NAV3: variants seen among roughly 807,000 people sequenced by gnomAD.
NAV3 encodes the protein pore membrane and/or filament interacting like protein 1.
In NAV3, 87 loss-of-function variants were observed where a neutral mutation model predicts 244.7. The ratio of observed to expected loss-of-function variants is 0.36; its 90% confidence interval spans 0.30 to 0.42. NAV3 has a LOEUF of 0.42. Ranked by LOEUF, NAV3 falls within the 20% of genes least tolerant of loss-of-function variation. The pLI is 1.00. For missense variants in NAV3, 2,663 were observed against 2,893.3 expected (o/e 0.92, Z 1.83); for synonymous variants, 1,126 against 1,042.2 (o/e 1.08, Z -1.55).
chr12:77,681,880 G>T (rs1279046334), intron 2 of NAV3, among the ~76,000 whole-genome samples: 1 of 152,014 alleles, frequency 6.6e-6, no homozygotes, highest in Non-Finnish European at 1.5e-5. Context: ...AGTAAAAATG[G>T]TATACATTTA....
At chr12:78,190,618 G>T (rs1958932773) in intron 34 of NAV3, among the ~76,000 whole-genome samples, 1 of 152,042 alleles carries the variant, frequency 6.6e-6, no homozygotes, top group African/African-American at 2.4e-5. Context: ...TAATAGATAA[G>T]TAGGAAATAA....
At chr12:78,200,612 T>G in intron 38 of NAV3, 21 bp downstream of exon 38, 1 of 1,316,016 alleles carries the variant, frequency 7.6e-7, no homozygotes, top group Non-Finnish European at 1.0e-6. Flanking sequence ...CAATTTTCAT[T>G]GCTATTTTTT....
intron 12 of NAV3, among the ~76,000 whole-genome samples, chr12:78,104,793 A>G (rs879724114): frequency 2.0e-5 from 3 of 152,126 alleles, no homozygotes; most frequent in Non-Finnish European, 4.4e-5. Context: ...CTAAATCTCT[A>G]TAGCATTTTT....
rs1043828429 is a variant in NAV3, at chr12:77,675,244, T to C, written c.72+102978T>C. Among the ~76,000 whole-genome samples the C allele has an allele frequency of 5.3e-5, 8 of 152,296 alleles. No homozygotes were observed. The South Asian group carries it at 1.7e-3, about 32-fold the overall frequency. ...CAGGTTTCAACCAGAAAAACAGAAC[T>C]GTTAGGAGATATATATTAAGAGATT... On this transcript the variant is annotated intron_variant, in intron 2 of 8. Transcript: ENST00000550042.
intron 23 of NAV3, among the ~76,000 whole-genome samples, chr12:78,162,189 A>G (rs927902335): frequency 1.2e-4 from 18 of 152,246 alleles, no homozygotes; most frequent in African/African-American, 4.3e-4. Context: ...CACTAAAGGC[A>G]TTTCTTCAGG....
chr12:77,869,843 G>A (rs1880667395), intron 1 of NAV3, among the ~76,000 whole-genome samples: 1 of 152,112 alleles, frequency 6.6e-6, no homozygotes, highest in South Asian at 2.1e-4. Context: ...ACCCACTAGT[G>A]TATTTCTAAT....
chr12:77,708,552 G>T (rs993136998), intron 2 of NAV3, among the ~76,000 whole-genome samples: 3 of 152,114 alleles, frequency 2.0e-5, no homozygotes, highest in African/African-American at 7.2e-5. Context: ...CTCTTTTTTG[G>T]TTCCATATGA....
Position 77,920,282 on chromosome 12 carries a change from G to A in NAV3, c.244-20037G>A, listed in dbSNP as rs369614997. On this transcript the variant is annotated intron_variant, in intron 1 of 39. Coordinates refer to ENST00000397909, the MANE Select transcript of NAV3 (RefSeq NM_001024383.2). ...GCTCTAAATCCCATAATTAATATTT[G>A]AATAAAGAATACCATGCTATATATT... 4.8e-4 allele frequency among the ~76,000 whole-genome samples: 73 copies of A among 151,960 alleles called. 1 individual carries two copies. The South Asian group carries it at 0.014, about 29-fold the overall frequency.
chr12:78,124,933 ATAATAT>A (rs1195571145), intron 16 of NAV3, among the ~76,000 whole-genome samples: 10 of 152,238 alleles, frequency 6.6e-5, no homozygotes, highest in Non-Finnish European at 1.3e-4. Context: ...GCTATAGTGT[ATAATAT>A]TAATATTAAT....
chr12:78,159,181 G>A, intron 22 of NAV3, 22 bp from the exon 23 acceptor site: 1 of 1,601,036 alleles, frequency 6.2e-7, no homozygotes, highest in South Asian at 1.1e-5. Flanking sequence ...TTTAAACTAT[G>A]TTTCTTCCAT....
chr12:78,091,946 T>TAA (rs1953966654), intron 12 of NAV3, among the ~76,000 whole-genome samples: 1 of 152,128 alleles, frequency 6.6e-6, no homozygotes, highest in Non-Finnish European at 1.5e-5. Flanking sequence ...CACTCTAAAT[T>TAA]AAAGAGTTGT....
rs2290103 is a variant in NAV3, at chr12:78,137,376, A to G, written c.4630+11A>G. On this transcript the variant is annotated intron_variant, in intron 19 of 39. Transcript: ENST00000397909. Reference sequence around the variant, plus strand: ...ACAGCATGGAAGAAGGTAAGCGTTGAGGGGGATTAAAGATGAAGTCACTTT... The same window carrying G: ...ACAGCATGGAAGAAGGTAAGCGTTGGGGGGGATTAAAGATGAAGTCACTTT... 418,817 of 1,598,008 alleles carry G rather than the reference A, an allele frequency of 0.26. 58,037 individuals carry two copies. The highest frequency in any genetic ancestry group is 0.47 in the Admixed American group (27,643 of 58,736).
At chr12:77,664,273 C>G (rs983078297) in intron 2 of NAV3, among the ~76,000 whole-genome samples, 1 of 152,112 alleles carries the variant, frequency 6.6e-6, no homozygotes, top group Non-Finnish European at 1.5e-5. Context: ...TGAAAATCTT[C>G]CTACTTATAT....
At chr12:77,640,474 T>C (rs191458641) in intron 2 of NAV3, among the ~76,000 whole-genome samples, 2 of 152,168 alleles carry the variant, frequency 1.3e-5, no homozygotes, top group Non-Finnish European at 2.9e-5. Flanking sequence ...TGTGTTCCTA[T>C]GTATTTGACA....
At chr12:77,586,615 CAACT>C (rs1358306583) in intron 2 of NAV3, among the ~76,000 whole-genome samples, 4 of 152,082 alleles carry the variant, frequency 2.6e-5, no homozygotes, top group Non-Finnish European at 5.9e-5. Context: ...AAATCTAGAG[CAACT>C]AACTATTGCA....
intron 1 of NAV3, among the ~76,000 whole-genome samples, chr12:77,933,000 A>G (rs766857760): frequency 6.6e-6 from 1 of 151,882 alleles, no homozygotes; most frequent in Non-Finnish European, 1.5e-5. Context: ...TCATCCTTTT[A>G]TGTGTCATTT....
At chr12:77,806,205 T>C (rs1200959993) in intron 2 of NAV3, among the ~76,000 whole-genome samples, 1 of 152,198 alleles carries the variant, frequency 6.6e-6, no homozygotes. Context: ...TGCCTTCTGC[T>C]AGCTTTTGAA....
chr12:77,845,436 CTTTA>C (rs1876457480), intron 1 of NAV3, among the ~76,000 whole-genome samples: 2 of 152,030 alleles, frequency 1.3e-5, no homozygotes, highest in African/African-American at 4.8e-5. Context: ...AACCCAAGTA[CTTTA>C]TTTATTTTAT....
intron 1 of NAV3, among the ~76,000 whole-genome samples, chr12:77,871,011 A>C (rs1241416452): frequency 6.6e-6 from 1 of 152,216 alleles, no homozygotes; most frequent in African/African-American, 2.4e-5. Context: ...CAAGACAGAG[A>C]TACATGAAGA....
Sources: gnomAD v4.1 joint callset for allele counts (sites outside exome capture counted in the v4.1 genomes callset) on GRCh38, gnomAD v4.1.1 for gene constraint, MANE v1.5 for transcripts, NCBI Gene and HGNC (gene_info 2026-07-23, HGNC 2026-07-21) for gene names.